The following SRC variants were observed in gnomAD, a reference collection of about 807,000 sequenced individuals.
SRC encodes SRC proto-oncogene, non-receptor tyrosine kinase.
Under a neutral mutation model 62.9 loss-of-function variants are expected in SRC, and 13 were observed. That is an observed-to-expected ratio of 0.21 (90% CI 0.13 to 0.33). The LOEUF is 0.33. Ranked by LOEUF, SRC falls within the 10% of genes least tolerant of loss-of-function variation. The pLI is 1.00. For synonymous variants in SRC, 302 were observed against 317.5 expected (o/e 0.95, Z 0.52); for missense variants, 457 against 737.3 (o/e 0.62, Z 4.40).
intron 2 of SRC, among the ~76,000 whole-genome samples, chr20:37,379,277 C>T (rs966562038): frequency 2.0e-5 from 3 of 152,134 alleles, no homozygotes; most frequent in African/African-American, 7.2e-5. Flanking sequence ...TCCCCTTGAC[C>T]CCCGCAAGGG....
chr20:37,400,073 T>A, intron 9 of SRC, 42 bp from the exon 10 acceptor site: 1 of 1,535,858 alleles, frequency 6.5e-7, no homozygotes, highest in Non-Finnish European at 8.8e-7. Context: ...GTGGTAGGAG[T>A]TGGGGGGCTC....
chr20:37,391,094 C>T (rs2070540205), intron 5 of SRC, among the ~76,000 whole-genome samples: 1 of 152,206 alleles, frequency 6.6e-6, no homozygotes, highest in Non-Finnish European at 1.5e-5. Context: ...GGCTGGCCTC[C>T]GAGCACAGGC....
Position 37,386,083 on chromosome 20 carries a change from A to C in SRC, c.259A>C (p.Thr87Pro), listed in dbSNP as rs2070451058. 2 of 1,613,762 alleles carry C rather than the reference A, an allele frequency of 1.2e-6. No homozygotes were observed. Among genetic ancestry groups the C allele is most frequent in the Non-Finnish European group, 1.7e-6 (2 of 1,179,778 alleles). ...CCCACCCCTCTCTGCAGGTGGAGTG[A>C]CCACCTTTGTGGCCCTCTATGACTA... Reference protein sequence around the residue: ...QRAGPLAGGVTTFVALYDYES... With the variant: ...QRAGPLAGGVPTFVALYDYES... The change falls in exon 5 of 14, where the codon ACC (threonine) becomes CCC (proline). Residue 87 changes from threonine to proline, a missense_variant. By Grantham distance (38) the Thr-to-Pro change is conservative. Transcript: ENST00000373578.
At chr20:37,393,068 G>C (rs959417870) in intron 5 of SRC, among the ~76,000 whole-genome samples, 1 of 151,872 alleles carries the variant, frequency 6.6e-6, no homozygotes, top group Admixed American at 6.6e-5. Flanking sequence ...CGACCACGCC[G>C]GGAGCTCTTC....
intron 2 of SRC, among the ~76,000 whole-genome samples, chr20:37,379,439 T>C (rs2070327748): frequency 6.6e-6 from 1 of 152,018 alleles, no homozygotes; most frequent in Admixed American, 6.5e-5. Flanking sequence ...TGGTCTCTCA[T>C]GAGGTCCCAC....
intron 1 of SRC, among the ~76,000 whole-genome samples, chr20:37,358,995 A>G (rs1218915373): frequency 6.6e-6 from 1 of 152,256 alleles, no homozygotes; most frequent in Non-Finnish European, 1.5e-5. Flanking sequence ...TCACTCAGCA[A>G]ACATCCTCTG....
chr20:37,391,265 C>G (rs1213650743), intron 5 of SRC, among the ~76,000 whole-genome samples: 5 of 152,348 alleles, frequency 3.3e-5, no homozygotes, highest in South Asian at 2.1e-4. Flanking sequence ...GCAGCCTCCT[C>G]TTTCATCTGC....
chr20:37,364,516 C>T (rs2070031921), intron 1 of SRC, among the ~76,000 whole-genome samples: 1 of 152,154 alleles, frequency 6.6e-6, no homozygotes, highest in Non-Finnish European at 1.5e-5. Context: ...AGGAGGACCC[C>T]TCTGGACTTT....
intron 5 of SRC, among the ~76,000 whole-genome samples, chr20:37,390,502 A>C (rs1418830810): frequency 6.9e-6 from 1 of 144,050 alleles, no homozygotes; most frequent in Non-Finnish European, 1.5e-5. Context: ...GGTTCAAGTG[A>C]TTCTCCTGCC....
At chr20:37,386,258 A>G in intron 5 of SRC, 84 bp downstream of exon 5, 1 of 1,320,328 alleles carries the variant, frequency 7.6e-7, no homozygotes. Flanking sequence ...ATCTGGCATC[A>G]GGGCAGCACA....
chr20:37,365,970 C>T (rs1281203308), intron 2 of SRC, among the ~76,000 whole-genome samples: 2 of 151,996 alleles, frequency 1.3e-5, no homozygotes, highest in African/African-American at 4.8e-5. Context: ...TGACAGTGTA[C>T]CTCAGAGATC....
At chr20:37,387,427 G>C (rs549738223) in intron 5 of SRC, among the ~76,000 whole-genome samples, 1 of 152,300 alleles carries the variant, frequency 6.6e-6, no homozygotes, top group African/African-American at 2.4e-5. Flanking sequence ...TCTCCATTTT[G>C]CAGATGAGGA....
At chr20:37,399,797 C>T (rs191855059) in intron 9 of SRC, among the ~76,000 whole-genome samples, 41 of 152,310 alleles carry the variant, frequency 2.7e-4, no homozygotes, top group East Asian at 1.2e-3. Context: ...CCACCCGCCT[C>T]GGCCCCCTAA....
At chr20:37,380,007 G>T (rs2070342934) in intron 2 of SRC, among the ~76,000 whole-genome samples, 1 of 150,896 alleles carries the variant, frequency 6.6e-6, no homozygotes, top group Non-Finnish European at 1.5e-5. Flanking sequence ...GCTTGGAGTG[G>T]CCTGAGAAGA....
At chr20:37,388,822 G>A (rs754699791) in intron 5 of SRC, among the ~76,000 whole-genome samples, 9 of 151,970 alleles carry the variant, frequency 5.9e-5, no homozygotes, top group Non-Finnish European at 1.3e-4. Context: ...AGGGATTTGG[G>A]GGGCGGGGCT....
In SRC at chr20:37,404,090, G is replaced by A. The variant is rs1046190549; in HGVS notation, c.*711G>A. On this transcript the variant is annotated 3_prime_UTR_variant, in exon 14 of 14. Transcript: ENST00000373578. The stretch of plus-strand genomic sequence containing the variant: ...GGGGATGTGACATGCCCAAGGCCAC[G>A]GAGCAGTTCAGAGTGGAGGCGGGCT... 2 of 234,056 alleles carry A rather than the reference G, an allele frequency of 8.5e-6. No homozygotes were observed. Among genetic ancestry groups the A allele is most frequent in the African/African-American group, 4.4e-5 (2 of 45,462 alleles). 14.5% of individuals were successfully genotyped at this position (234,056 alleles called of 1,614,324 possible).
chr20:37,389,664 G>A (rs1415770454), intron 5 of SRC, among the ~76,000 whole-genome samples: 8 of 152,160 alleles, frequency 5.3e-5, no homozygotes, highest in Non-Finnish European at 8.8e-5. Context: ...CAGTGCCCAC[G>A]CTGGCACATG....
intron 5 of SRC, among the ~76,000 whole-genome samples, chr20:37,391,922 C>G (rs1054995781): frequency 1.3e-5 from 2 of 152,188 alleles, no homozygotes; most frequent in African/African-American, 4.8e-5. Context: ...CTGCGCTGAT[C>G]GCTTGACATT....
intron 2 of SRC, among the ~76,000 whole-genome samples, chr20:37,366,585 T>C (rs1255529487): frequency 6.6e-6 from 1 of 152,202 alleles, no homozygotes; most frequent in Non-Finnish European, 1.5e-5. Flanking sequence ...TCTGTTTCTA[T>C]AGATTTGCCT....
Sources: allele counts gnomAD v4.1 joint callset (sites outside exome capture counted in the v4.1 genomes callset), GRCh38; gene constraint gnomAD v4.1.1; transcripts MANE v1.5; gene names NCBI Gene and HGNC (gene_info 2026-07-23, HGNC 2026-07-21).